Variants in OPCML observed in about 807,000 individuals in gnomAD.
OPCML encodes the protein opioid-binding protein/cell adhesion molecule.
In OPCML, 13 loss-of-function variants were observed where a neutral mutation model predicts 37.8. The ratio of observed to expected loss-of-function variants is 0.34; its 90% confidence interval spans 0.22 to 0.55. The LOEUF (loss-of-function observed/expected upper bound fraction) is 0.55. Among genes scored for constraint, OPCML ranks in the 20% least tolerant of loss-of-function variants. The pLI, the probability that OPCML is intolerant of heterozygous loss-of-function variation, is 0.91. For synonymous variants in OPCML, 176 were observed against 168.8 expected (o/e 1.04, Z -0.33); for missense variants, 341 against 435.6 (o/e 0.78, Z 1.93).
chr11:133,465,491 C>T (rs12272090), intron 1 of OPCML, among the ~76,000 whole-genome samples: 2,875 of 152,166 alleles, frequency 0.019, 40 homozygotes, highest in African/African-American at 0.029. Context: ...TCCAACTTTC[C>T]GAGTATCTGA....
chr11:132,748,063 C>CT (rs34569655), intron 2 of OPCML, among the ~76,000 whole-genome samples: 3,137 of 140,460 alleles, frequency 0.022, 39 homozygotes, highest in Middle Eastern at 0.049. Flanking sequence ...AGCTGCTTGT[C>CT]TTTTTTTTTT....
intron 1 of OPCML, among the ~76,000 whole-genome samples, chr11:133,530,148 C>G (rs1948575035): frequency 6.6e-6 from 1 of 152,174 alleles, no homozygotes; most frequent in African/African-American, 2.4e-5. Flanking sequence ...TCAGGACGGT[C>G]AGGCAGGGGT....
chr11:133,483,599 TAGAA>T (rs916917311), intron 1 of OPCML, among the ~76,000 whole-genome samples: 6 of 151,294 alleles, frequency 4.0e-5, no homozygotes, highest in Non-Finnish European at 7.4e-5. Flanking sequence ...GATTCATAGA[TAGAA>T]AGAGATTTAT....
chr11:133,111,727 T>C (rs1268129711), intron 1 of OPCML, among the ~76,000 whole-genome samples: 1 of 152,190 alleles, frequency 6.6e-6, no homozygotes, highest in African/African-American at 2.4e-5. Flanking sequence ...ATAAAGTTGG[T>C]GCCAGGAAGG....
intron 2 of OPCML, among the ~76,000 whole-genome samples, chr11:132,862,621 C>T (rs1231547253): frequency 6.6e-6 from 1 of 152,102 alleles, no homozygotes; most frequent in Non-Finnish European, 1.5e-5. Context: ...AGCATCCTAG[C>T]TAGGACACAG....
At position 132,573,637 on chromosome 11, in the gene OPCML, A is replaced by G. The variant is rs141661015; in HGVS notation, c.380-44451T>C. Among the ~76,000 whole-genome samples the G allele has an allele frequency of 5.9e-3, 891 of 152,008 alleles. 11 individuals are homozygous for G. The highest frequency in any genetic ancestry group is 0.02 in the African/African-American group (828 of 41,522). On this transcript the variant is annotated intron_variant, in intron 3 of 7. Transcript: ENST00000524381. ...ATGCTGTCCAATTTGGTTTGCTAACATTTTGTTGAGGATTTTTGCATCTAT... is the reference window on the plus strand; with the variant it reads ...ATGCTGTCCAATTTGGTTTGCTAACGTTTTGTTGAGGATTTTTGCATCTAT...
chr11:132,513,591 A>T (rs2096273625), intron 4 of OPCML, among the ~76,000 whole-genome samples: 1 of 152,104 alleles, frequency 6.6e-6, no homozygotes, highest in Non-Finnish European at 1.5e-5. Context: ...TATACCATGC[A>T]ATTTCCCATT....
chr11:132,532,402 T>A (rs1160144338), intron 3 of OPCML, among the ~76,000 whole-genome samples: 8 of 152,312 alleles, frequency 5.3e-5, no homozygotes, highest in Admixed American at 1.3e-4. Context: ...AATTATGATA[T>A]CCTTAGAAAC....
chr11:132,676,244 A>T (rs1027386687), intron 2 of OPCML, among the ~76,000 whole-genome samples: 1 of 152,302 alleles, frequency 6.6e-6, no homozygotes, highest in African/African-American at 2.4e-5. Flanking sequence ...TCCACACACA[A>T]TTGAATACAG....
Position 133,440,947 on chromosome 11 carries a change from T to A in OPCML, c.61+91317A>T, listed in dbSNP as rs1454460476. Among the ~76,000 whole-genome samples the A allele has an allele frequency of 2.2e-4, 33 of 150,822 alleles. 1 individual carries two copies. Among genetic ancestry groups the A allele is most frequent in the Admixed American group, 2.2e-3 (33 of 15,158 alleles). On this transcript the variant is annotated intron_variant, in intron 1 of 7. Transcript: ENST00000524381. ...AATGTCAAAGTAAATATATAAATAA[T>A]ATAAACATCACAAAGAAACAGGAAA...
chr11:132,573,382 T>A (rs2096442933), intron 3 of OPCML, among the ~76,000 whole-genome samples: 1 of 152,018 alleles, frequency 6.6e-6, no homozygotes, highest in East Asian at 1.9e-4. Flanking sequence ...AGCTGTAGGC[T>A]TTTCATATAT....
chr11:133,204,894 A>ATGTG (rs1157658071), intron 1 of OPCML, among the ~76,000 whole-genome samples: 5 of 135,616 alleles, frequency 3.7e-5, no homozygotes, highest in Admixed American at 7.3e-5. Flanking sequence ...ATATATATAT[A>ATGTG]TATATATATA....
chr11:133,507,783 A>G (rs1468495907), intron 1 of OPCML, among the ~76,000 whole-genome samples: 1 of 151,990 alleles, frequency 6.6e-6, no homozygotes, highest in African/African-American at 2.4e-5. Context: ...CATATCTACT[A>G]CAAAATTACA....
intron 1 of OPCML, chr11:133,007,941 T>C (rs1390012031): frequency 6.1e-6 from 6 of 985,374 alleles, no homozygotes; most frequent in Non-Finnish European, 7.2e-6. Context: ...TTATGTTTTA[T>C]ATATTCACAG....
rs368907968 is a variant in OPCML, at chr11:132,652,414, T to G, written c.379+4673A>C. Reference sequence around the variant, plus strand: ...GAGAGAAATCCTGAAAATGTTCCATTGATCTAGAGCAGAGAACTAACTTTG... The same window carrying G: ...GAGAGAAATCCTGAAAATGTTCCATGGATCTAGAGCAGAGAACTAACTTTG... On this transcript the variant is annotated intron_variant, in intron 3 of 7. Coordinates refer to ENST00000524381, the MANE Select transcript of OPCML (RefSeq NM_001012393.5). Among the ~76,000 whole-genome samples, 119 of 147,184 alleles carry G rather than the reference T, an allele frequency of 8.1e-4. 1 individual carries two copies. In the Middle Eastern group the frequency reaches 0.017, roughly 21 times the overall value.
At chr11:133,170,135 C>T (rs12792847) in intron 1 of OPCML, among the ~76,000 whole-genome samples, 69,841 of 152,048 alleles carry the variant, frequency 0.46, 16,454 homozygotes, top group South Asian at 0.54. Context: ...TACCTAACTA[C>T]CTGTCTGTCT....
intron 2 of OPCML, among the ~76,000 whole-genome samples, chr11:132,757,076 T>C (rs946068002): frequency 2.6e-5 from 4 of 152,214 alleles, no homozygotes; most frequent in African/African-American, 9.6e-5. Flanking sequence ...CTGTGTTAGT[T>C]TGCTGAGAAT....
intron 1 of OPCML, among the ~76,000 whole-genome samples, chr11:133,448,551 G>A (rs759799713): frequency 3.9e-5 from 6 of 152,080 alleles, no homozygotes; most frequent in Non-Finnish European, 8.8e-5. Flanking sequence ...TCCACCTCCC[G>A]GGTTCAGGCG....
At chr11:133,082,732 C>T (rs1948752682) in intron 1 of OPCML, among the ~76,000 whole-genome samples, 1 of 145,084 alleles carries the variant, frequency 6.9e-6, no homozygotes, top group Non-Finnish European at 1.5e-5. Flanking sequence ...GACCGCTTCT[C>T]CCCCGCGGCC....
Sources: gnomAD v4.1 joint callset for allele counts (sites outside exome capture counted in the v4.1 genomes callset) on GRCh38, gnomAD v4.1.1 for gene constraint, MANE v1.5 for transcripts, NCBI Gene and HGNC (gene_info 2026-07-23, HGNC 2026-07-21) for gene names.